PEX5L: variants seen among roughly 807,000 people sequenced by gnomAD.
PEX5L encodes the protein PEX5-related protein.
PEX5L carries 30 observed loss-of-function variants against 84.0 expected under a neutral mutation model. The ratio of observed to expected loss-of-function variants is 0.36; its 90% CI spans 0.27 to 0.48. PEX5L has a LOEUF of 0.48. PEX5L is among the 20% of genes least tolerant of loss of function. The probability of loss-of-function intolerance (pLI) is 0.99; values close to 1 mark genes in which losing one functional copy is unlikely to be tolerated. For missense variants in PEX5L, 533 were observed against 754.6 expected (o/e 0.71, Z 3.44); for synonymous variants, 270 against 283.1 (o/e 0.95, Z 0.46).
At chr3:179,876,097 C>T (rs530928216) in intron 5 of PEX5L, among the ~76,000 whole-genome samples, 1 of 152,268 alleles carries the variant, frequency 6.6e-6, no homozygotes, top group Non-Finnish European at 1.5e-5. Flanking sequence ...ATCCCTGTGG[C>T]TTAGTTCTTA....
At chr3:179,917,746 G>C (rs927753687) in intron 2 of PEX5L, among the ~76,000 whole-genome samples, 1 of 152,056 alleles carries the variant, frequency 6.6e-6, no homozygotes, top group Non-Finnish European at 1.5e-5. Context: ...CGCAACATCC[G>C]CCTCCTGGGT....
intron 6 of PEX5L, among the ~76,000 whole-genome samples, chr3:179,874,732 T>TGTTTG (rs1553873283): frequency 3.1e-5 from 2 of 65,234 alleles, no homozygotes; most frequent in Non-Finnish European, 6.2e-5. Context: ...TATGGTTTTT[T>TGTTTG]TTTTTGTTTT....
At chr3:179,863,923 T>C (rs549387237) in intron 7 of PEX5L, among the ~76,000 whole-genome samples, 16 of 152,158 alleles carry the variant, frequency 1.1e-4, no homozygotes, top group African/African-American at 3.9e-4. Flanking sequence ...AATTGAATCA[T>C]GGGGGCAGGT....
chr3:179,833,938 G>A (rs1279698355), intron 8 of PEX5L, among the ~76,000 whole-genome samples: 3 of 152,134 alleles, frequency 2.0e-5, no homozygotes, highest in Non-Finnish European at 2.9e-5. Flanking sequence ...TGGCTCAAGC[G>A]ATCCTTCCAC....
At chr3:179,962,121 G>A (rs555582245) in intron 2 of PEX5L, among the ~76,000 whole-genome samples, 3 of 152,222 alleles carry the variant, frequency 2.0e-5, no homozygotes, top group Non-Finnish European at 2.9e-5. Flanking sequence ...GAGTTAGGAG[G>A]TATCTAATAT....
At chr3:179,951,503 C>T (rs1045374995) in intron 2 of PEX5L, among the ~76,000 whole-genome samples, 2 of 152,222 alleles carry the variant, frequency 1.3e-5, no homozygotes, top group East Asian at 1.9e-4. Context: ...TTATTTTTTA[C>T]CTTTCTAGCC....
chr3:179,907,897 G>A (rs1763819322), intron 2 of PEX5L, among the ~76,000 whole-genome samples: 1 of 152,136 alleles, frequency 6.6e-6, no homozygotes, highest in Admixed American at 6.5e-5. Context: ...AGGTGCAAGT[G>A]TTTTTATCAG....
chr3:179,931,646 T>C lies in PEX5L; in HGVS notation c.94-33400A>G, dbSNP rs1773148025. 2.0e-5 allele frequency among the ~76,000 whole-genome samples: 3 copies of C among 152,174 alleles called. No individual in the cohort carries two copies. The South Asian group carries it at 6.2e-4, about 31-fold the overall frequency. On this transcript the variant is annotated intron_variant, in intron 2 of 14. Coordinates refer to ENST00000467460, the MANE Select transcript of PEX5L (RefSeq NM_016559.3). ...TGTTTCTTTTAAGAGAAACTTGCTA[T>C]AATTTTTTTTCTAAAGAGGTTCAAA...
intron 5 of PEX5L, among the ~76,000 whole-genome samples, chr3:179,876,823 A>G (rs1752583684): frequency 6.7e-6 from 1 of 150,356 alleles, no homozygotes; most frequent in Non-Finnish European, 1.5e-5. Flanking sequence ...GGAATCCTCC[A>G]ATCCAGGTTG....
chr3:179,831,799 G>A (rs1200191767), intron 8 of PEX5L, among the ~76,000 whole-genome samples: 1 of 152,186 alleles, frequency 6.6e-6, no homozygotes, highest in Non-Finnish European at 1.5e-5. Flanking sequence ...AACAGCATAT[G>A]TAAAAGCTAG....
chr3:180,027,894 G>T (rs1430498785), intron 1 of PEX5L, among the ~76,000 whole-genome samples: 21 of 151,806 alleles, frequency 1.4e-4, no homozygotes, highest in Admixed American at 1.4e-3. Context: ...CTTTATTTTG[G>T]GTTTGTCTGT....
chr3:179,913,875 AT>A (rs1766060590), intron 2 of PEX5L, among the ~76,000 whole-genome samples: 1 of 152,140 alleles, frequency 6.6e-6, no homozygotes, highest in Non-Finnish European at 1.5e-5. Flanking sequence ...GAGTCTGTGA[AT>A]GTTAATTATT....
rs13315146 is a variant in PEX5L at position 179,802,550 on chromosome 3, A to G, written c.1677-518T>C. On this transcript the variant is annotated intron_variant, in intron 14 of 14. Coordinates refer to ENST00000467460, the MANE Select transcript of PEX5L (RefSeq NM_016559.3). Reference sequence around the variant, plus strand: ...ACTGTCTCAAAAAAAAAAAAAAAAAAAAAAGAAAAGAAAAGAAAAGAAAAT... The same window carrying G: ...ACTGTCTCAAAAAAAAAAAAAAAAAGAAAAGAAAAGAAAAGAAAAGAAAAT... Among the ~76,000 whole-genome samples, 137 of 131,564 alleles carry G rather than the reference A, an allele frequency of 1.0e-3. 2 individuals carry two copies. Among genetic ancestry groups the G allele is most frequent in the African/African-American group, 3.0e-3 (100 of 33,228 alleles). The allele number at this position is 131,564 out of a possible 152,430, so 86.3% of individuals were successfully genotyped here. A position where few individuals can be genotyped will look rare whatever the true frequency, so the allele number is the denominator to read the frequency against.
chr3:179,841,845 C>A (rs961332006), intron 8 of PEX5L, among the ~76,000 whole-genome samples: 1 of 152,146 alleles, frequency 6.6e-6, no homozygotes, highest in South Asian at 2.1e-4. Context: ...GTGTCACCTA[C>A]ATATTTCATA....
At chr3:179,810,869 T>C (rs930274095) in intron 11 of PEX5L, among the ~76,000 whole-genome samples, 1 of 152,186 alleles carries the variant, frequency 6.6e-6, no homozygotes, top group African/African-American at 2.4e-5. Context: ...CTAATGTGCA[T>C]GTGTATACAG....
intron 2 of PEX5L, among the ~76,000 whole-genome samples, chr3:179,914,944 AT>A (rs1346976172): frequency 6.6e-6 from 1 of 151,424 alleles, no homozygotes; most frequent in Non-Finnish European, 1.5e-5. Flanking sequence ...AAGAAAGAAG[AT>A]TGGCTAAAAA....
chr3:179,999,139 T>A (rs1461596083), intron 1 of PEX5L, among the ~76,000 whole-genome samples: 1 of 152,210 alleles, frequency 6.6e-6, no homozygotes, highest in African/African-American at 2.4e-5. Context: ...TTTGGCTGGA[T>A]GGTCAGGCAT....
chr3:179,900,790 A>T, intron 2 of PEX5L: 1 of 1,295,620 alleles, frequency 7.7e-7, no homozygotes, highest in East Asian at 2.5e-5. Context: ...TTTTTTCTTT[A>T]CAGCCTTTTT....
At position 179,898,163 on chromosome 3, in the gene PEX5L, G is replaced by A. The variant is rs746224293; in HGVS notation, c.177C>T (p.Pro59=). Residue 59 remains proline (P), a synonymous_variant, in exon 3 of 15, where the codon CCC becomes CCT. Coordinates refer to ENST00000467460, the MANE Select transcript of PEX5L (RefSeq NM_016559.3). ...CCACCTGTGATGTCATAGTAAGGAG[G>A]GGCTTTTCTTCAGCAGACTCCTCCC... The part of the protein sequence containing the change: ...IPREESAEEK[P]LLTMTSQLVN... 1.9e-6 allele frequency: 3 copies of A among 1,612,558 alleles called. No homozygotes were observed. Among genetic ancestry groups the A allele is most frequent in the South Asian group, 1.1e-5 (1 of 91,014 alleles).
Sources: gnomAD v4.1 joint callset for allele counts (sites outside exome capture counted in the v4.1 genomes callset) on GRCh38, gnomAD v4.1.1 for gene constraint, MANE v1.5 for transcripts, NCBI Gene and HGNC (gene_info 2026-07-23, HGNC 2026-07-21) for gene names.